CADM1: variants seen among roughly 807,000 people sequenced by gnomAD.
CADM1 encodes the protein cell adhesion molecule 1.
CADM1 carries 15 observed loss-of-function variants against 53.1 expected under a neutral mutation model. The ratio of observed to expected loss-of-function variants is 0.28; its 90% confidence interval spans 0.19 to 0.44. The LOEUF (loss-of-function observed/expected upper bound fraction) is 0.44, where lower values mean the gene tolerates loss of function less well. CADM1 is among the 20% of genes least tolerant of loss of function. The probability of loss-of-function intolerance (pLI) is 1.00; values close to 1 mark genes in which losing one functional copy is unlikely to be tolerated. For synonymous variants in CADM1, 281 were observed against 243.0 expected (o/e 1.16, Z -1.45); for missense variants, 434 against 611.3 (o/e 0.71, Z 3.06).
chr11:115,496,549 CA>C (rs1488754591), intron 1 of CADM1, among the ~76,000 whole-genome samples: 5 of 152,064 alleles, frequency 3.3e-5, no homozygotes, highest in Non-Finnish European at 5.9e-5. Context: ...AACCTAAAGA[CA>C]AAACAGTGTG....
intron 1 of CADM1, among the ~76,000 whole-genome samples, chr11:115,315,697 C>T (rs1944647404): frequency 6.7e-6 from 1 of 149,696 alleles, no homozygotes. Context: ...ATAATCAAAA[C>T]ACCACCAAAC....
chr11:115,382,253 T>C (rs138503148), intron 1 of CADM1, among the ~76,000 whole-genome samples: 312 of 152,154 alleles, frequency 2.1e-3, no homozygotes, highest in African/African-American at 6.9e-3. Flanking sequence ...GGTAAAAAGG[T>C]AAACCAATTT....
rs1279112116 is a variant in CADM1 at position 115,174,267 on chromosome 11, T to C, written c.*2207A>G. The C allele has an allele frequency of 1.5e-5, 2 of 137,258 alleles. No homozygotes were observed. Among genetic ancestry groups the C allele is most frequent in the East Asian group, 4.6e-4 (1 of 2,170 alleles). The allele number at this position is 137,258 out of a possible 1,614,324, so 8.5% of individuals were successfully genotyped here. On this transcript the variant is annotated 3_prime_UTR_variant, in exon 12 of 12. Transcript: ENST00000331581. Reference sequence around the variant, plus strand: ...GCCAATTCTGTGAGCAATGGTGTGATTTTTTTTTTTTGTTTTTGTTTTTGT... The same window carrying C: ...GCCAATTCTGTGAGCAATGGTGTGACTTTTTTTTTTTGTTTTTGTTTTTGT...
At chr11:115,233,617 A>C (rs1423440707) in intron 3 of CADM1, among the ~76,000 whole-genome samples, 2 of 152,186 alleles carry the variant, frequency 1.3e-5, no homozygotes, top group Non-Finnish European at 2.9e-5. Flanking sequence ...GAAAAGCCTA[A>C]AGAAAATAAG....
chr11:115,359,298 T>C (rs1450105783), intron 1 of CADM1, among the ~76,000 whole-genome samples: 2 of 152,218 alleles, frequency 1.3e-5, no homozygotes, highest in Non-Finnish European at 2.9e-5. Flanking sequence ...GATTATTAAG[T>C]AATTTGGGGA....
chr11:115,256,889 G>A, intron 1 of CADM1: 1 of 456,068 alleles, frequency 2.2e-6, no homozygotes, highest in Non-Finnish European at 4.4e-6. Context: ...ACAGTTTTCT[G>A]CTGGGTTACT....
intron 3 of CADM1, among the ~76,000 whole-genome samples, chr11:115,237,461 T>C (rs932004155): frequency 6.6e-6 from 1 of 152,192 alleles, no homozygotes; most frequent in Admixed American, 6.5e-5. Context: ...ACAGCTGTGT[T>C]GAAGTAAAGT....
chr11:115,179,547 G>A (rs1341145268), intron 10 of CADM1, among the ~76,000 whole-genome samples: 1 of 152,194 alleles, frequency 6.6e-6, no homozygotes, highest in Admixed American at 6.5e-5. Context: ...CCCAGAATGA[G>A]CTATGGTGAT....
At chr11:115,267,152 T>C (rs1943164205) in intron 1 of CADM1, among the ~76,000 whole-genome samples, 4 of 152,360 alleles carry the variant, frequency 2.6e-5, no homozygotes, top group East Asian at 1.9e-4. Context: ...ACTGAGGTGA[T>C]GTACCCAAAC....
chr11:115,205,013 T>C (rs888171788), intron 8 of CADM1, among the ~76,000 whole-genome samples: 1 of 152,318 alleles, frequency 6.6e-6, no homozygotes, highest in Middle Eastern at 3.4e-3. Flanking sequence ...ACCTACTTCA[T>C]TCTTATGAAA....
Position 115,369,026 on chromosome 11 carries a change from T to TAAAAAAAAAAAAAAAAAA in CADM1, c.125-128624_125-128607dup, listed in dbSNP as rs552309443. 4.5e-4 allele frequency among the ~76,000 whole-genome samples: 20 copies of TAAAAAAAAAAAAAAAAAA among 44,744 alleles called. 3 individuals carry two copies. Among genetic ancestry groups the TAAAAAAAAAAAAAAAAAA allele is most frequent in the Non-Finnish European group, 7.8e-4 (19 of 24,308 alleles). The allele number at this position is 44,744 out of a possible 152,430, so 29.4% of individuals were successfully genotyped here. ...GTGCCTAGCAGAGTGAAAAAAAATCTAAAAAAAAAAAAAAAAAAAAAAAAA... is the reference window on the plus strand; with the variant it reads ...GTGCCTAGCAGAGTGAAAAAAAATCTAAAAAAAAAAAAAAAAAAAAAAAAAAAAAAAAAAAAAAAAAAA... On this transcript the variant is annotated intron_variant, in intron 1 of 11. Coordinates refer to ENST00000331581, the MANE Select transcript of CADM1 (RefSeq NM_001301043.2).
intron 1 of CADM1, among the ~76,000 whole-genome samples, chr11:115,334,301 A>G (rs1945206794): frequency 6.6e-6 from 1 of 152,142 alleles, no homozygotes; most frequent in Non-Finnish European, 1.5e-5. Flanking sequence ...TCCCTTTAGA[A>G]AGAAGAATAT....
intron 1 of CADM1, among the ~76,000 whole-genome samples, chr11:115,479,869 A>G (rs1482921473): frequency 6.6e-6 from 1 of 152,194 alleles, no homozygotes; most frequent in African/African-American, 2.4e-5. Context: ...CAAGTTAACA[A>G]TATTAACCTT....
intron 1 of CADM1, among the ~76,000 whole-genome samples, chr11:115,314,151 C>A (rs1220297731): frequency 1.4e-5 from 1 of 71,134 alleles, no homozygotes; most frequent in African/African-American, 5.9e-5. Context: ...CCTGTACAAA[C>A]GCCACCACTA....
chr11:115,452,171 G>A (rs1386653356), intron 1 of CADM1, among the ~76,000 whole-genome samples: 2 of 138,182 alleles, frequency 1.4e-5, no homozygotes, highest in Non-Finnish European at 3.2e-5. Flanking sequence ...TGGGGGGGTG[G>A]GGGGGCTGGG....
chr11:115,503,567 C>A (rs1040891661), intron 1 of CADM1, among the ~76,000 whole-genome samples: 4 of 152,104 alleles, frequency 2.6e-5, no homozygotes, highest in African/African-American at 7.2e-5. Context: ...GGCCGCCCCC[C>A]CCGCGGGGCC....
At chr11:115,222,718 G>C (rs11215427) in intron 5 of CADM1, among the ~76,000 whole-genome samples, 30,572 of 152,048 alleles carry the variant, frequency 0.2, 3,822 homozygotes, top group South Asian at 0.36. Context: ...TTCTCTTGCT[G>C]CAACTTTCAG....
intron 10 of CADM1, among the ~76,000 whole-genome samples, chr11:115,181,647 G>C (rs936010945): frequency 6.6e-6 from 1 of 152,192 alleles, no homozygotes; most frequent in African/African-American, 2.4e-5. Flanking sequence ...CTGGGTTTAC[G>C]TGGGAGGTGT....
At chr11:115,352,652 A>G (rs1295807976) in intron 1 of CADM1, among the ~76,000 whole-genome samples, 1 of 152,214 alleles carries the variant, frequency 6.6e-6, no homozygotes, top group Non-Finnish European at 1.5e-5. Context: ...GAAGAAGAAG[A>G]GGAGGAGCAG....
Sources: gnomAD v4.1 joint callset for allele counts (sites outside exome capture counted in the v4.1 genomes callset) on GRCh38, gnomAD v4.1.1 for gene constraint, MANE v1.5 for transcripts, NCBI Gene and HGNC (gene_info 2026-07-23, HGNC 2026-07-21) for gene names.